The following ASS1 variants were observed in gnomAD, a reference collection of about 807,000 sequenced individuals.
The protein encoded by ASS1 is argininosuccinate synthase 1.
A neutral mutation model predicts 60.5 loss-of-function variants in ASS1; 58 were observed. The ratio of observed to expected loss-of-function variants is 0.96; its 90% CI spans 0.78 to 1.19. The LOEUF is 1.19. Ranked by LOEUF, ASS1 falls within the 50% of genes most tolerant of loss-of-function variation. ASS1 has a pLI of 0.00. For synonymous variants in ASS1, 200 were observed against 206.9 expected (o/e 0.97, Z 0.29); for missense variants, 454 against 547.3 (o/e 0.83, Z 1.70).
In ASS1 at chr9:130,477,972, C is replaced by T. The variant is rs1262160081; in HGVS notation, c.688+1011C>T. On this transcript the variant is annotated intron_variant, in intron 9 of 14. Transcript: ENST00000352480. This position sits in a 1 kb window ranked among gnomAD's most constrained non-coding sequence, Gnocchi z 4.2. ...CGGTGGGGAGGCAGAGCTGCAGATC[C>T]CCCTCTCCCCCTTGCTGGTGTGACC... Among the ~76,000 whole-genome samples, 1 of 152,134 alleles carries T rather than the reference C, an allele frequency of 6.6e-6. No homozygotes were observed. The highest frequency in any genetic ancestry group is 6.5e-5 in the Admixed American group (1 of 15,288).
chr9:130,445,307 C>A, intron 1 of ASS1: 1 of 891,486 alleles, frequency 1.1e-6, no homozygotes, highest in Non-Finnish European at 1.3e-6. Context: ...CGGGTCCTTT[C>A]TGGACTCCTT....
At chr9:130,454,035 G>C (rs967111757) in intron 2 of ASS1, among the ~76,000 whole-genome samples, 1 of 152,242 alleles carries the variant, frequency 6.6e-6, no homozygotes, top group African/African-American at 2.4e-5. Context: ...TCTCCCAGCA[G>C]CCTGTGTGGC....
intron 4 of ASS1, among the ~76,000 whole-genome samples, chr9:130,462,155 C>A (rs1451704427): frequency 6.6e-6 from 1 of 152,164 alleles, no homozygotes; most frequent in Non-Finnish European, 1.5e-5. Flanking sequence ...CCTCTCTCCC[C>A]CTAGTTTTGG....
At chr9:130,457,815 G>C (rs932395542) in intron 3 of ASS1, among the ~76,000 whole-genome samples, 7 of 152,162 alleles carry the variant, frequency 4.6e-5, no homozygotes, top group African/African-American at 1.7e-4. Context: ...GTTTCATCTT[G>C]TTGGGGCTGA....
chr9:130,447,180 G>A (rs1049250608), intron 1 of ASS1, among the ~76,000 whole-genome samples: 18 of 151,944 alleles, frequency 1.2e-4, no homozygotes, highest in African/African-American at 4.4e-4. Flanking sequence ...GGTGTGTAGA[G>A]TGAAGGGGAG....
At position 130,459,723 on chromosome 9, in the gene ASS1, C is replaced by T. The variant is rs1845542063; in HGVS notation, c.363+1134C>T. On this transcript the variant is annotated intron_variant, in intron 4 of 14. Transcript: ENST00000352480. This position sits in a 1 kb window ranked among gnomAD's most constrained non-coding sequence, Gnocchi z 4.6. ...GCACTGGGATTACAGGCGTGGGCCA[C>T]CATGCCCAGCCTTAACTTGGTTATT... is the stretch of plus-strand genomic sequence containing the variant. 6.6e-6 allele frequency among the ~76,000 whole-genome samples: 1 copy of T among 152,222 alleles called. No individual in the cohort carries two copies. The highest frequency in any genetic ancestry group is 2.4e-5 in the African/African-American group (1 of 41,466).
At chr9:130,493,783 C>A (rs1846514190) in intron 12 of ASS1, among the ~76,000 whole-genome samples, 1 of 152,086 alleles carries the variant, frequency 6.6e-6, no homozygotes, top group African/African-American at 2.4e-5. Context: ...GCCCCTTGGT[C>A]CCAGCCTCCA....
At chr9:130,458,668 G>T in intron 4 of ASS1, 79 bp downstream of exon 4, 1 of 1,537,724 alleles carries the variant, frequency 6.5e-7, no homozygotes, top group Non-Finnish European at 8.8e-7. Context: ...CCCTCGAGCG[G>T]TTTCCTGGTG....
intron 7 of ASS1, 98 bp downstream of exon 7, chr9:130,471,002 G>A: frequency 2.2e-6 from 3 of 1,377,792 alleles, no homozygotes; most frequent in Non-Finnish European, 3.1e-6. Flanking sequence ...CCACACCAGT[G>A]GTCCCTGCCC....
intron 10 of ASS1, 180 bp downstream of exon 10, chr9:130,479,980 C>T (rs1048569165): frequency 4.3e-5 from 34 of 795,020 alleles, no homozygotes; most frequent in Non-Finnish European, 6.2e-5. Flanking sequence ...GGAGAGGCTC[C>T]GTGGTCCTTA....
At chr9:130,464,888 G>A (rs903072951) in intron 5 of ASS1, among the ~76,000 whole-genome samples, 1 of 151,896 alleles carries the variant, frequency 6.6e-6, no homozygotes, top group Non-Finnish European at 1.5e-5. Context: ...CAGCTCCAGG[G>A]GTGCCGAGTG....
chr9:130,481,056 G>A (rs546169587), intron 11 of ASS1, among the ~76,000 whole-genome samples: 5 of 152,356 alleles, frequency 3.3e-5, no homozygotes, highest in African/African-American at 7.2e-5. Context: ...GCCTAGCCTC[G>A]TATCCGCCTG....
In ASS1 at chr9:130,493,067, G is replaced by A. The variant is rs993106754; in HGVS notation, c.971-1800G>A. The stretch of plus-strand genomic sequence containing the variant: ...TTAATGGGCTAATTATCCCAGCTCC[G>A]TCAGAAAGATGGCCAAGCCCAGGAC... On this transcript the variant is annotated intron_variant, in intron 12 of 14. Coordinates refer to ENST00000352480, the MANE Select transcript of ASS1 (RefSeq NM_054012.4). 3.3e-5 allele frequency among the ~76,000 whole-genome samples: 5 copies of A among 152,066 alleles called. No homozygotes were observed. In the East Asian group the frequency reaches 5.8e-4, roughly 18 times the overall value.
At position 130,488,953 on chromosome 9, in the gene ASS1, G is replaced by A. The variant is rs1233643784; in HGVS notation, c.839-380G>A. Among the ~76,000 whole-genome samples, 1 of 152,166 alleles carries A rather than the reference G, an allele frequency of 6.6e-6. No individual in the cohort carries two copies. Reference sequence around the variant, plus strand: ...CCTCCCCTGGCTCCCTGGTGGAAGGGAAGAAGGGATATTTGGGGCTCTGGG... The same window carrying A: ...CCTCCCCTGGCTCCCTGGTGGAAGGAAAGAAGGGATATTTGGGGCTCTGGG... On this transcript the variant is annotated intron_variant, in intron 11 of 14. Transcript: ENST00000352480. The surrounding 1 kb of genome is among the most constrained non-coding windows in gnomAD (Gnocchi z 5.2).
intron 4 of ASS1, among the ~76,000 whole-genome samples, chr9:130,460,753 G>A (rs1003783618): frequency 4.6e-5 from 7 of 152,174 alleles, no homozygotes; most frequent in African/African-American, 1.7e-4. Flanking sequence ...GTGGAAGGAG[G>A]TCTCAGGTTG....
intron 5 of ASS1, among the ~76,000 whole-genome samples, chr9:130,465,450 T>G (rs1406363656): frequency 6.6e-6 from 1 of 152,264 alleles, no homozygotes; most frequent in African/African-American, 2.4e-5. Context: ...TTATTAATGT[T>G]TACATTCTTT....
chr9:130,474,060 G>GC (rs1463503351), intron 8 of ASS1, among the ~76,000 whole-genome samples: 4 of 9,068 alleles, frequency 4.4e-4, no homozygotes, highest in African/African-American at 2.8e-3. Context: ...TCCCTCCCCC[G>GC]CACCCCCCCC....
chr9:130,483,441 C>T (rs1846218359), intron 11 of ASS1, among the ~76,000 whole-genome samples: 1 of 150,338 alleles, frequency 6.7e-6, no homozygotes, highest in South Asian at 2.1e-4. Context: ...GGACAGGGGG[C>T]TGGGGAAGCC....
chr9:130,454,239 T>A (rs1055398957), intron 2 of ASS1, 66 bp from the exon 3 acceptor site: 1 of 1,520,538 alleles, frequency 6.6e-7, no homozygotes, highest in Non-Finnish European at 9.0e-7. Context: ...GGCTGCTGCA[T>A]GCGGATGGTG....
Sources: allele counts gnomAD v4.1 joint callset (sites outside exome capture counted in the v4.1 genomes callset), GRCh38; gene constraint gnomAD v4.1.1; non-coding constraint Gnocchi (gnomAD v3.1); transcripts MANE v1.5; gene names NCBI Gene and HGNC (gene_info 2026-07-23, HGNC 2026-07-21).